RFX3: variants seen among roughly 807,000 people sequenced by gnomAD.
RFX3 encodes the protein transcription factor RFX3.
A neutral mutation model predicts 98.6 loss-of-function variants in RFX3; 14 were observed. The ratio of observed to expected loss-of-function variants is 0.14; its 90% CI spans 0.09 to 0.22. The LOEUF is 0.22. Ranked by LOEUF, RFX3 falls within the 10% of genes least tolerant of loss-of-function variation. The pLI is 1.00. For missense variants in RFX3, 639 were observed against 926.9 expected (o/e 0.69, Z 4.03); for synonymous variants, 383 against 328.4 (o/e 1.17, Z -1.80).
In RFX3 at chr9:3,257,170, A is replaced by G; in HGVS notation, c.1635T>C (p.Asp545=). Residue 545 remains aspartate (D), a synonymous_variant, in exon 14 of 17, where the codon GAT becomes GAC. Transcript: ENST00000617270. ...QEQASWVCQC[D]DNMVQRLETD... ...TTTCTAGTCTCTGAACCATGTTGTC[A>G]TCACACTGGCACACCCAGGAAGCCT... The G allele has an allele frequency of 6.2e-7, 1 of 1,614,032 alleles. No individual in the cohort carries two copies. Among genetic ancestry groups the G allele is most frequent in the Non-Finnish European group, 8.5e-7 (1 of 1,179,990 alleles).
intron 15 of RFX3, among the ~76,000 whole-genome samples, chr9:3,246,501 C>A (rs1820697868): frequency 2.0e-5 from 3 of 152,102 alleles, no homozygotes; most frequent in Non-Finnish European, 4.4e-5. Context: ...AATGAGAATC[C>A]CCGCCATCAT....
chr9:3,319,002 C>A (rs1298497472), intron 4 of RFX3, among the ~76,000 whole-genome samples: 1 of 152,180 alleles, frequency 6.6e-6, no homozygotes, highest in Non-Finnish European at 1.5e-5. Flanking sequence ...ACATCAAGTA[C>A]AAAAGCACTT....
chr9:3,470,051 T>C (rs1848639539), intron 1 of RFX3, among the ~76,000 whole-genome samples: 2 of 152,058 alleles, frequency 1.3e-5, no homozygotes, highest in South Asian at 4.1e-4. Context: ...TTAGTATAAA[T>C]AGCATAAAAA....
intron 15 of RFX3, among the ~76,000 whole-genome samples, chr9:3,236,398 G>T (rs628283): frequency 0.91 from 138,647 of 152,058 alleles, 64,118 homozygotes; most frequent in East Asian, 1. Context: ...TGAGGGATAG[G>T]AGGGACAGAG....
chr9:3,501,963 C>A (rs529427448), intron 1 of RFX3, among the ~76,000 whole-genome samples: 5 of 151,806 alleles, frequency 3.3e-5, no homozygotes, highest in Non-Finnish European at 7.4e-5. Flanking sequence ...TATCAAAAAT[C>A]ACTTTCGGCC....
At chr9:3,493,441 T>C (rs1474567366) in intron 1 of RFX3, among the ~76,000 whole-genome samples, 1 of 151,888 alleles carries the variant, frequency 6.6e-6, no homozygotes, top group African/African-American at 2.4e-5. Context: ...TCCCAGCACT[T>C]TGGGAGGCCG....
intron 4 of RFX3, among the ~76,000 whole-genome samples, chr9:3,317,119 T>C (rs756062076): frequency 6.6e-6 from 1 of 152,110 alleles, no homozygotes; most frequent in Non-Finnish European, 1.5e-5. Context: ...CTTCAAACTA[T>C]ACTACAAGGC....
chr9:3,332,288 C>G (rs1282170715), intron 3 of RFX3, among the ~76,000 whole-genome samples: 2 of 152,072 alleles, frequency 1.3e-5, no homozygotes, highest in Admixed American at 1.3e-4. Flanking sequence ...GGACCCATAT[C>G]TAAATATGAA....
At position 3,220,521 on chromosome 9, in the gene RFX3, CACTT is replaced by C. The variant is rs1443165136; in HGVS notation, c.*4517_*4520del. 1.3e-5 allele frequency: 2 copies of C among 151,738 alleles called. No homozygotes were observed. Among genetic ancestry groups the C allele is most frequent in the African/African-American group, 4.8e-5 (2 of 41,302 alleles). 9.4% of individuals were successfully genotyped at this position (151,738 alleles called of 1,614,324 possible). Reference sequence around the variant, plus strand: ...TGATTTTTTTTTTCTGTAAACAGTACACTTACTTAGATGGCAGTGAATATTTGGG... The same window carrying C: ...TGATTTTTTTTTTCTGTAAACAGTACACTTAGATGGCAGTGAATATTTGGG... On this transcript the variant is annotated 3_prime_UTR_variant, in exon 17 of 17. Transcript: ENST00000617270.
At chr9:3,302,570 T>C (rs1390699391) in intron 4 of RFX3, among the ~76,000 whole-genome samples, 1 of 151,832 alleles carries the variant, frequency 6.6e-6, no homozygotes, top group Non-Finnish European at 1.5e-5. Flanking sequence ...GAGAGAAAAT[T>C]GATTTCATTA....
intron 4 of RFX3, among the ~76,000 whole-genome samples, chr9:3,302,973 T>TA (rs1485681301): frequency 3.3e-5 from 5 of 151,754 alleles, no homozygotes; most frequent in Admixed American, 2.6e-4. Context: ...TAAGAAATCA[T>TA]AAAAAAATTC....
At chr9:3,467,776 G>A (rs10972158) in intron 1 of RFX3, among the ~76,000 whole-genome samples, 2 of 152,284 alleles carry the variant, frequency 1.3e-5, no homozygotes, top group South Asian at 2.1e-4. Flanking sequence ...ATGGCCAGTA[G>A]AGGCTGCCAG....
chr9:3,379,165 T>C (rs776849636), intron 2 of RFX3, among the ~76,000 whole-genome samples: 3 of 152,162 alleles, frequency 2.0e-5, no homozygotes, highest in Non-Finnish European at 4.4e-5. Flanking sequence ...GGATCATCAA[T>C]GTACATTACA....
At chr9:3,405,064 C>T (rs530177898) in intron 1 of RFX3, among the ~76,000 whole-genome samples, 43 of 152,308 alleles carry the variant, frequency 2.8e-4, no homozygotes, top group Non-Finnish European at 5.6e-4. Flanking sequence ...TCAAATTACA[C>T]TTGAAATTAA....
At chr9:3,281,436 T>C (rs181627975) in intron 7 of RFX3, among the ~76,000 whole-genome samples, 1 of 151,866 alleles carries the variant, frequency 6.6e-6, no homozygotes, top group Admixed American at 6.6e-5. Flanking sequence ...AAGAGTATTT[T>C]CCTCCCTTTA....
Position 3,222,322 on chromosome 9 carries a change from A to T in RFX3, c.*2720T>A, listed in dbSNP as rs999686945. 6 of 152,176 alleles carry T rather than the reference A, an allele frequency of 3.9e-5. No individual in the cohort carries two copies. Among genetic ancestry groups the T allele is most frequent in the Non-Finnish European group, 8.8e-5 (6 of 68,004 alleles). The allele number at this position is 152,176 out of a possible 1,614,324, so 9.4% of individuals were successfully genotyped here. On this transcript the variant is annotated 3_prime_UTR_variant, in exon 17 of 17. Coordinates refer to ENST00000617270, the MANE Select transcript of RFX3 (RefSeq NM_001282116.2). The stretch of plus-strand genomic sequence containing the variant: ...GAATATTTTTATTGAGTCAAGTTCA[A>T]ATGTAATAATGTTTTATTAGTTCTT...
intron 4 of RFX3, chr9:3,324,101 GA>G (rs1362184029): frequency 6.7e-5 from 27 of 405,432 alleles, no homozygotes; most frequent in South Asian, 1.7e-4. Flanking sequence ...TTGGCCTAGG[GA>G]AAAAGGGACA....
At chr9:3,490,932 T>A (rs185367662) in intron 1 of RFX3, among the ~76,000 whole-genome samples, 6 of 152,270 alleles carry the variant, frequency 3.9e-5, no homozygotes, top group Admixed American at 2.0e-4. Context: ...TATACAAACA[T>A]ACTTACATGT....
intron 2 of RFX3, among the ~76,000 whole-genome samples, chr9:3,370,469 A>T (rs973089736): frequency 3.3e-5 from 5 of 151,552 alleles, no homozygotes; most frequent in Non-Finnish European, 5.9e-5. Context: ...CATGATTTTT[A>T]AAAATTATTT....
Sources: allele counts gnomAD v4.1 joint callset (sites outside exome capture counted in the v4.1 genomes callset), GRCh38; gene constraint gnomAD v4.1.1; transcripts MANE v1.5; gene names NCBI Gene and HGNC (gene_info 2026-07-23, HGNC 2026-07-21).